RGS3: variants seen among roughly 807,000 people sequenced by gnomAD.
RGS3 encodes the protein regulator of G-protein signalling 3.
A neutral mutation model predicts 132.6 loss-of-function variants in RGS3; 80 were observed. The ratio of observed to expected loss-of-function variants is 0.60; its 90% CI spans 0.50 to 0.73. RGS3 has a LOEUF of 0.73. Ranked by LOEUF, RGS3 falls within the 30% of genes least tolerant of loss-of-function variation. The probability of loss-of-function intolerance (pLI) is 0.00; values close to 1 mark genes in which losing one functional copy is unlikely to be tolerated. For synonymous variants in RGS3, 598 were observed against 620.6 expected (o/e 0.96, Z 0.54); for missense variants, 1,382 against 1,530.8 (o/e 0.90, Z 1.62).
chr9:113,524,643 T>C (rs1832117818), intron 17 of RGS3, among the ~76,000 whole-genome samples: 1 of 152,344 alleles, frequency 6.6e-6, no homozygotes, highest in Non-Finnish European at 1.5e-5. Flanking sequence ...CTGTGCTGTG[T>C]GGCTTCAGCT....
intron 7 of RGS3, among the ~76,000 whole-genome samples, chr9:113,487,205 G>T (rs1003898838): frequency 6.8e-6 from 1 of 147,444 alleles, no homozygotes; most frequent in Non-Finnish European, 1.5e-5. Context: ...TCCGCTTCCC[G>T]GGTTCACGCC....
rs760110044 is a variant in RGS3 at position 113,498,101 on chromosome 9, G to C, written c.897+21G>C. ...TAAAGGTAGGTGGGGACAAGCTAGG[G>C]CATTGCTCCAGGAGCTGGATCTGCT... On this transcript the variant is annotated intron_variant, in intron 10 of 24. Transcript: ENST00000350696. 12 of 1,612,178 alleles carry C rather than the reference G, an allele frequency of 7.4e-6. No homozygotes were observed. The South Asian group carries it at 1.3e-4, about 18-fold the overall frequency.
intron 19 of RGS3, among the ~76,000 whole-genome samples, chr9:113,571,531 C>T (rs182372258): frequency 4.6e-5 from 7 of 152,200 alleles, no homozygotes; most frequent in Admixed American, 4.6e-4. Context: ...TTGAAAAGTG[C>T]CTGTTCAAGT....
At chr9:113,474,043 C>G (rs1829917267) in intron 3 of RGS3, among the ~76,000 whole-genome samples, 1 of 152,062 alleles carries the variant, frequency 6.6e-6, no homozygotes, top group African/African-American at 2.4e-5. Flanking sequence ...ACCTAGAATC[C>G]CTTGTGAGTG....
chr9:113,494,939 G>A (rs1327499512), intron 7 of RGS3, among the ~76,000 whole-genome samples: 1 of 151,856 alleles, frequency 6.6e-6, no homozygotes, highest in Non-Finnish European at 1.5e-5. Flanking sequence ...GCAGTGGTGC[G>A]ATCTTGGCTC....
chr9:113,477,218 T>C (rs1830022133), intron 3 of RGS3, among the ~76,000 whole-genome samples: 1 of 152,184 alleles, frequency 6.6e-6, no homozygotes, highest in Non-Finnish European at 1.5e-5. Flanking sequence ...GAGAGTGCCA[T>C]AACCCCTGTT....
intron 14 of RGS3, among the ~76,000 whole-genome samples, chr9:113,512,247 T>G (rs1018363951): frequency 2.6e-5 from 4 of 152,170 alleles, no homozygotes; most frequent in African/African-American, 9.7e-5. Flanking sequence ...CTGAGGATGG[T>G]GCTTTAAACA....
intron 19 of RGS3, among the ~76,000 whole-genome samples, chr9:113,559,563 C>T (rs1204073423): frequency 6.6e-6 from 1 of 152,204 alleles, no homozygotes. Context: ...GGTTGGGAAT[C>T]ATCCATTGCG....
chr9:113,465,480 T>TGTGC (rs1286703799), intron 3 of RGS3, among the ~76,000 whole-genome samples: 7 of 151,004 alleles, frequency 4.6e-5, no homozygotes, highest in East Asian at 1.9e-4. Context: ...TGTGTGTGTG[T>TGTGC]GCCTGTGTGT....
At chr9:113,458,876 C>T (rs368489097), upstream of RGS3, among the ~76,000 whole-genome samples, 9 of 152,254 alleles carry the variant, frequency 5.9e-5, no homozygotes, top group Admixed American at 3.3e-4. Flanking sequence ...CTCAGTCTCC[C>T]GAGTAGCTAG....
intron 19 of RGS3, among the ~76,000 whole-genome samples, chr9:113,561,562 A>G (rs921174412): frequency 2.0e-5 from 3 of 148,778 alleles, no homozygotes; most frequent in Admixed American, 6.7e-5. Flanking sequence ...ACAGGCACAC[A>G]GCACCATGCC....
chr9:113,507,821 T>C lies in RGS3; in HGVS notation c.1437+183T>C, dbSNP rs965461122. On this transcript the variant is annotated intron_variant, in intron 13 of 24. Transcript: ENST00000350696. The surrounding 1 kb of genome is among the most constrained non-coding windows in gnomAD (Gnocchi z 5.0). ...GTTCTTGGTAGGGAGGACAGATGGG[T>C]CTATGTGGCCTCAGGGCACAGATTC... Among the ~76,000 whole-genome samples, 1 of 152,130 alleles carries C rather than the reference T, an allele frequency of 6.6e-6. No individual in the cohort carries two copies. The highest frequency in any genetic ancestry group is 1.5e-5 in the Non-Finnish European group (1 of 68,024).
In RGS3 at chr9:113,463,772, G is replaced by T; in HGVS notation, c.415+1571G>T. The T allele has an allele frequency of 6.3e-7, 1 of 1,587,226 alleles. No individual in the cohort carries two copies. The highest frequency in any genetic ancestry group is 8.6e-7 in the Non-Finnish European group (1 of 1,168,336). ...AGCAACACAGCCGCCTCGGGTTGCA[G>T]ACGCTCCTGTCCGGGTCGCAGTGGG... On this transcript the variant is annotated intron_variant, in intron 3 of 24. Transcript: ENST00000350696. The surrounding 1 kb of genome is among the most constrained non-coding windows in gnomAD (Gnocchi z 4.6).
chr9:113,545,579 C>G (rs1356617549), intron 19 of RGS3, among the ~76,000 whole-genome samples: 1 of 152,124 alleles, frequency 6.6e-6, no homozygotes, highest in African/African-American at 2.4e-5. Flanking sequence ...TTTTTAGCCC[C>G]TGAAGAAGAC....
At chr9:113,558,846 T>A (rs538877043) in intron 19 of RGS3, among the ~76,000 whole-genome samples, 1 of 152,314 alleles carries the variant, frequency 6.6e-6, no homozygotes, top group East Asian at 1.9e-4. Context: ...TTAAACACAA[T>A]CAATCTTGCT....
chr9:113,480,183 G>A (rs1471320693), intron 4 of RGS3, among the ~76,000 whole-genome samples: 1 of 152,140 alleles, frequency 6.6e-6, no homozygotes, highest in East Asian at 1.9e-4. Flanking sequence ...AACTGGCTGG[G>A]CACGGTGACT....
At position 113,491,331 on chromosome 9, in the gene RGS3, A is replaced by C. The variant is rs192894358; in HGVS notation, c.690-4455A>C. On this transcript the variant is annotated intron_variant, in intron 7 of 24. Coordinates refer to ENST00000350696, the Ensembl canonical transcript of RGS3. ...CTTGTGCATAATCTCAGCTCACTGC[A>C]AACTCTGTCTCCCAGGTAGCGATTC... Among the ~76,000 whole-genome samples the C allele has an allele frequency of 9.6e-4, 145 of 151,420 alleles. 1 individual carries two copies. The highest frequency in any genetic ancestry group is 3.4e-3 in the Middle Eastern group (1 of 290).
rs1259580862 is a variant in RGS3, at chr9:113,565,004, C to A, written c.2038-18446C>A. On this transcript the variant is annotated intron_variant, in intron 19 of 24. Coordinates refer to ENST00000350696, the Ensembl canonical transcript of RGS3. This position sits in a 1 kb window ranked among gnomAD's most constrained non-coding sequence, Gnocchi z 5.7. The stretch of plus-strand genomic sequence containing the variant: ...CCGGCTGGAGGCGGCTTTGCGCTGC[C>A]CCAGCCTGGGAGCCCTCAGGATGTG... The A allele has an allele frequency of 9.7e-7, 1 of 1,031,100 alleles. No homozygotes were observed. Among genetic ancestry groups the A allele is most frequent in the East Asian group, 1.0e-4 (1 of 9,980 alleles). The allele number at this position is 1,031,100 out of a possible 1,614,324, so 63.9% of individuals were successfully genotyped here. A position where few individuals can be genotyped will look rare whatever the true frequency, so the allele number is the denominator to read the frequency against.
At chr9:113,454,674 G>A (rs1588127116) in intron 1 of RGS3, among the ~76,000 whole-genome samples, 1 of 144,078 alleles carries the variant, frequency 6.9e-6, no homozygotes, top group South Asian at 2.2e-4. Flanking sequence ...TTTGGGTCTT[G>A]CTTTTAAACT....
Sources: gnomAD v4.1 joint callset for allele counts (sites outside exome capture counted in the v4.1 genomes callset) on GRCh38, gnomAD v4.1.1 for gene constraint, Gnocchi (gnomAD v3.1) non-coding constraint, MANE v1.5 for transcripts, NCBI Gene and HGNC (gene_info 2026-07-23, HGNC 2026-07-21) for gene names.